BMP4: variants seen among roughly 807,000 people sequenced by gnomAD.
The protein encoded by BMP4 is bone morphogenetic protein 2B.
Under a neutral mutation model 29.6 loss-of-function variants are expected in BMP4, and 3 were observed. The observed-to-expected ratio is 0.10, with a 90% CI of 0.05 to 0.26. The LOEUF is 0.26. BMP4 is among the 10% of genes least tolerant of loss of function. BMP4 has a pLI of 1.00. For synonymous variants in BMP4, 197 were observed against 213.2 expected, an observed-to-expected ratio of 0.92 and a Z score of 0.66; for missense variants, 455 against 550.2, an observed-to-expected ratio of 0.83 and a Z score of 1.73.
chr14:53,949,936 T>C lies in BMP4; in HGVS notation c.*96A>G, dbSNP rs1399043788. The C allele has an allele frequency of 5.3e-6, 7 of 1,329,900 alleles. No individual in the cohort carries two copies. The highest frequency in any genetic ancestry group is 2.5e-5 in the South Asian group (2 of 80,200). 82.4% of individuals were successfully genotyped at this position (1,329,900 alleles called of 1,614,324 possible). ...TCCAGCTATAAGGAAGCAGTCTGTG[T>C]AGTGTGTGGGTGAGTGGATGGGAAC... On this transcript the variant is annotated 3_prime_UTR_variant, in exon 4 of 4. Transcript: ENST00000245451.
Position 53,950,946 on chromosome 14 carries a change from T to C in BMP4, c.371-58A>G. 1.9e-6 allele frequency: 3 copies of C among 1,593,952 alleles called. No individual in the cohort carries two copies. Among genetic ancestry groups the C allele is most frequent in the Non-Finnish European group, 8.5e-7 (1 of 1,176,426 alleles). On this transcript the variant is annotated intron_variant, in intron 3 of 3. Coordinates refer to ENST00000245451, the MANE Select transcript of BMP4 (RefSeq NM_001202.6). The surrounding 1 kb of genome is among the most constrained non-coding windows in gnomAD (Gnocchi z 5.4). ...AAAGCATATGAACTTTTTTCAAAGA[T>C]GGAAGAGTCAAGAGATAGCTCAGGG...
In BMP4 at chr14:53,950,956, A is replaced by G. The variant is rs1895374957; in HGVS notation, c.371-68T>C. On this transcript the variant is annotated intron_variant, in intron 3 of 3. Transcript: ENST00000245451. This position sits in a 1 kb window ranked among gnomAD's most constrained non-coding sequence, Gnocchi z 5.4. ...AACTTTTTTCAAAGATGGAAGAGTC[A>G]AGAGATAGCTCAGGGTTGGGCAATG... The G allele has an allele frequency of 1.3e-6, 2 of 1,585,998 alleles. No individual in the cohort carries two copies. Among genetic ancestry groups the G allele is most frequent in the Non-Finnish European group, 8.5e-7 (1 of 1,169,630 alleles).
chr14:53,952,335 G>A, intron 2 of BMP4, 106 bp from the exon 3 acceptor site: 7 of 1,361,668 alleles, frequency 5.1e-6, no homozygotes, highest in Non-Finnish European at 5.0e-6. Context: ...AAATGGAGGG[G>A]CAAGATGGAA....
Position 53,951,902 on chromosome 14 carries a change from A to G in BMP4, c.321T>C (p.Pro107=), listed in dbSNP as rs770567411. The G allele has an allele frequency of 1.2e-5, 19 of 1,601,994 alleles. No individual in the cohort carries two copies. Among genetic ancestry groups the G allele is most frequent in the Non-Finnish European group, 1.5e-5 (18 of 1,179,964 alleles). Residue 107 remains proline (P), a synonymous_variant, in exon 3 of 4, where the codon CCT becomes CCC. Coordinates refer to ENST00000245451, the MANE Select transcript of BMP4 (RefSeq NM_001202.6). ...TGTTGGCCCGGCTGGCCGGGCGCTC[A>G]GGATACTCAAGACCAGTGCTGTGGA... ...EQIHSTGLEY[P]ERPASRANTV... is the part of the protein sequence containing the mutation.
rs781043882 is a variant in BMP4, at chr14:53,950,599, C to T, written c.660G>A (p.Ala220=). 9 of 1,614,122 alleles carry T rather than the reference C, an allele frequency of 5.6e-6. No homozygotes were observed. The highest frequency in any genetic ancestry group is 2.7e-5 in the African/African-American group (2 of 74,944). Residue 220 remains alanine (A), a synonymous_variant, in exon 4 of 4, where the codon GCG becomes GCA. Coordinates refer to ENST00000245451, the MANE Select transcript of BMP4 (RefSeq NM_001202.6). The surrounding 1 kb of genome is among the most constrained non-coding windows in gnomAD (Gnocchi z 5.4). ...GCTTCTCCCGGGTCCAGCGAAGGAC[C>T]GCAGGGCTCACATCAAAAGTTTCCC... The part of the protein sequence containing the change: ...TRWETFDVSP[A]VLRWTREKQP...
chr14:53,952,850 A>C (rs1250032261), intron 2 of BMP4, among the ~76,000 whole-genome samples: 1 of 152,152 alleles, frequency 6.6e-6, no homozygotes, highest in Non-Finnish European at 1.5e-5. Context: ...TATTCAGCCA[A>C]AAGTGCCTGA....
At chr14:53,951,701 C>T in intron 3 of BMP4, 152 bp downstream of exon 3, 1 of 1,254,488 alleles carries the variant, frequency 8.0e-7, no homozygotes, top group Non-Finnish European at 1.1e-6. Flanking sequence ...TCGGCGGCAG[C>T]TCTGCAAATT....
Position 53,950,105 on chromosome 14 carries a change from T to C in BMP4, c.1154A>G (p.Tyr385Cys). 6.2e-7 allele frequency: 1 copy of C among 1,614,174 alleles called. No homozygotes were observed. The highest frequency in any genetic ancestry group is 1.6e-4 in the Middle Eastern group (1 of 6,062). Residue 385 changes from tyrosine (Y) to cysteine (C), a missense_variant, in exon 4 of 4, where the codon TAC becomes TGC. Physicochemically the swap from Tyr to Cys is radical, Grantham distance 194 (BLOSUM62 -2). Transcript: ENST00000245451. This position sits in a 1 kb window ranked among gnomAD's most constrained non-coding sequence, Gnocchi z 5.4. ...TACCACCTTATCATACTCATCCAGG[T>C]ACAGCATGGAGATGGCACTCAGTTC... ...PTELSAISML[Y>C]LDEYDKVVLK...
At position 53,950,508 on chromosome 14, in the gene BMP4, G is replaced by T. The variant is rs200671094; in HGVS notation, c.751C>A (p.His251Asn). The T allele has an allele frequency of 6.2e-7, 1 of 1,614,208 alleles. No homozygotes were observed. The highest frequency in any genetic ancestry group is 2.2e-5 in the East Asian group (1 of 44,884). Residue 251 changes from histidine (H) to asparagine (N), a missense_variant, in exon 4 of 4, where the codon CAT becomes AAT. Coordinates refer to ENST00000245451, the MANE Select transcript of BMP4 (RefSeq NM_001202.6). The surrounding 1 kb of genome is among the most constrained non-coding windows in gnomAD (Gnocchi z 5.4). Reference protein sequence around the residue: ...LHQTRTHQGQHVRISRSLPQG... With the variant: ...LHQTRTHQGQNVRISRSLPQG... ...GGTAACGATCGGCTAATCCTGACAT[G>T]CTGGCCCTGGTGGGTCCGAGTCTGA...
At chr14:53,952,261 G>T (rs1566581880) in intron 2 of BMP4, 32 bp from the exon 3 acceptor site, 1 of 1,608,334 alleles carries the variant, frequency 6.2e-7, no homozygotes, top group African/African-American at 1.3e-5. Flanking sequence ...GAAGGTTAAA[G>T]AATAAATAAA....
chr14:53,952,976 T>A (rs570057497), intron 2 of BMP4, among the ~76,000 whole-genome samples: 1 of 151,318 alleles, frequency 6.6e-6, no homozygotes, highest in African/African-American at 2.4e-5. Flanking sequence ...CCCAGACAAG[T>A]TGGATAGGGG....
Position 53,952,161 on chromosome 14 carries a change from G to A in BMP4, c.62C>T (p.Ala21Val), listed in dbSNP as rs757138929. The change falls in exon 3 of 4, where the codon GCG becomes GTG. Residue 21 changes from alanine to valine, a missense_variant. Coordinates refer to ENST00000245451, the MANE Select transcript of BMP4 (RefSeq NM_001202.6). ...VLLCQVLLGG[A>V]SHASLIPETG... ...CTCAGGTATCAAACTAGCATGGCTC[G>A]CGCCTCCTAGCAGGACTTGGCATAA... 1.9e-6 allele frequency: 3 copies of A among 1,613,978 alleles called. No individual in the cohort carries two copies. The highest frequency in any genetic ancestry group is 2.2e-5 in the South Asian group (2 of 91,070).
At position 53,952,059 on chromosome 14, in the gene BMP4, C is replaced by G; in HGVS notation, c.164G>C (p.Arg55Pro). ...RRSGQSHELLRDFEATLLQMF... is the reference protein window; with the variant it reads ...RRSGQSHELLPDFEATLLQMF... The stretch of plus-strand genomic sequence containing the variant: ...CTGCAGAAGTGTCGCCTCGAAGTCC[C>G]GCAGGAGCTCATGGCTCTGCCCTGA... The change falls in exon 3 of 4, where the codon CGG (arginine) becomes CCG (proline). Residue 55 changes from arginine (R) to proline (P), a missense_variant. Coordinates refer to ENST00000245451, the MANE Select transcript of BMP4 (RefSeq NM_001202.6). The G allele has an allele frequency of 6.2e-7, 1 of 1,614,192 alleles. No homozygotes were observed. Among genetic ancestry groups the G allele is most frequent in the East Asian group, 2.2e-5 (1 of 44,870 alleles).
Position 53,951,837 on chromosome 14 carries a change from G to C in BMP4, c.370+16C>G, listed in dbSNP as rs772578892. 1.3e-6 allele frequency: 2 copies of C among 1,598,716 alleles called. No individual in the cohort carries two copies. The highest frequency in any genetic ancestry group is 2.2e-5 in the East Asian group (1 of 44,858). ...CCACCAGCCCTCCCCCACGCAGACT[G>C]GGGGAAGAGACTGACCTTCGTGGTG... On this transcript the variant is annotated intron_variant, in intron 3 of 3. Transcript: ENST00000245451.
chr14:53,953,935 C>CA (rs1895594597), intron 1 of BMP4, among the ~76,000 whole-genome samples: 1 of 151,466 alleles, frequency 6.6e-6, no homozygotes, highest in Non-Finnish European at 1.5e-5. Flanking sequence ...ACACACCCCC[C>CA]CACACACACA....
chr14:53,952,862 C>A lies in BMP4; in HGVS notation c.-8+414G>T, dbSNP rs1194734876. Reference sequence around the variant, plus strand: ...AAATATTCAGCCAAAAGTGCCTGATCGTGCCCGCTCATCCCCAGGGAAGGG... The same window carrying A: ...AAATATTCAGCCAAAAGTGCCTGATAGTGCCCGCTCATCCCCAGGGAAGGG... On this transcript the variant is annotated intron_variant, in intron 2 of 3. Transcript: ENST00000245451. Among the ~76,000 whole-genome samples, 3 of 152,152 alleles carry A rather than the reference C, an allele frequency of 2.0e-5. No homozygotes were observed. The East Asian group carries it at 5.8e-4, about 29-fold the overall frequency.
At chr14:53,953,161 A>T (rs1157383879) in intron 2 of BMP4, 115 bp downstream of exon 2, 1 of 388,234 alleles carries the variant, frequency 2.6e-6, no homozygotes, top group African/African-American at 2.1e-5. Context: ...CAGTGCTGCC[A>T]GGGAGCAGAG....
chr14:53,953,401 C>T lies in BMP4; in HGVS notation c.-132-1G>A, dbSNP rs1341747797. ...TCGGGATGGCACTACGGAATGGCTC[C>T]TAAAAGGAATATTTGAATATAATGA... On this transcript the variant is annotated splice_acceptor_variant, in intron 1 of 3. Coordinates refer to ENST00000245451, the MANE Select transcript of BMP4 (RefSeq NM_001202.6). LOFTEE classifies it low-confidence loss of function (5UTR_SPLICE). The T allele has an allele frequency of 2.5e-6, 1 of 399,140 alleles. No individual in the cohort carries two copies. The highest frequency in any genetic ancestry group is 3.6e-5 in the East Asian group (1 of 28,066). 24.7% of individuals were successfully genotyped at this position (399,140 alleles called of 1,614,324 possible).
Position 53,949,842 on chromosome 14 carries a change from A to T in BMP4, c.*190T>A. The T allele has an allele frequency of 1.7e-6, 1 of 600,708 alleles. No individual in the cohort carries two copies. Among genetic ancestry groups the T allele is most frequent in the Non-Finnish European group, 2.8e-6 (1 of 356,478 alleles). 37.2% of individuals were successfully genotyped at this position (600,708 alleles called of 1,614,324 possible). ...ATATGGTCAAAACATTTGCACGTAA[A>T]GTCATAAATAAGGTCAAGGTGAATG... On this transcript the variant is annotated 3_prime_UTR_variant, in exon 4 of 4. Transcript: ENST00000245451.
Sources: allele counts gnomAD v4.1 joint callset (sites outside exome capture counted in the v4.1 genomes callset), GRCh38; gene constraint gnomAD v4.1.1; non-coding constraint Gnocchi (gnomAD v3.1); transcripts MANE v1.5; gene names NCBI Gene and HGNC (gene_info 2026-07-23, HGNC 2026-07-21).